MORC1: variants seen among roughly 807,000 people sequenced by gnomAD.
The protein encoded by MORC1 is MORC family CW-type zinc finger 1.
Under a neutral mutation model 134.9 loss-of-function variants are expected in MORC1, and 59 were observed. The ratio of observed to expected loss-of-function variants is 0.44; its 90% confidence interval spans 0.35 to 0.54. MORC1 has a LOEUF of 0.54. Among genes scored for constraint, MORC1 ranks in the 20% least tolerant of loss-of-function variants. MORC1 has a pLI of 0.00. For synonymous variants in MORC1, 395 were observed against 391.7 expected (o/e 1.01, Z -0.10); for missense variants, 947 against 1,134.5 (o/e 0.83, Z 2.37).
rs904364662 is a variant in MORC1 at position 109,103,933 on chromosome 3, G to C, written c.155-16C>G. ...TCATTATCCACTGTAAGAGAAAGCAGTTATTACTAATAAATATCGGGCTTA... is the reference window on the plus strand; with the variant it reads ...TCATTATCCACTGTAAGAGAAAGCACTTATTACTAATAAATATCGGGCTTA... On this transcript the variant is annotated splice_polypyrimidine_tract_variant and intron_variant, in intron 3 of 27. Transcript: ENST00000232603. 3.7e-6 allele frequency: 6 copies of C among 1,606,134 alleles called. No individual in the cohort carries two copies. Among genetic ancestry groups the C allele is most frequent in the Non-Finnish European group, 5.1e-6 (6 of 1,173,078 alleles).
chr3:109,035,854 T>C (rs928398833), intron 14 of MORC1, among the ~76,000 whole-genome samples: 3 of 152,216 alleles, frequency 2.0e-5, no homozygotes, highest in African/African-American at 7.2e-5. Flanking sequence ...AAATTATTGA[T>C]AGAAATATTT....
chr3:109,069,553 C>T (rs199956815), intron 9 of MORC1, 79 bp downstream of exon 9: 412 of 1,346,660 alleles, frequency 3.1e-4, no homozygotes, highest in Non-Finnish European at 4.0e-4. Context: ...AGTCAATGTC[C>T]TCACTTTGAC....
chr3:108,994,205 T>C (rs575660092), intron 21 of MORC1, among the ~76,000 whole-genome samples: 1 of 152,072 alleles, frequency 6.6e-6, no homozygotes, highest in South Asian at 2.1e-4. Flanking sequence ...AGGATACATG[T>C]TTCATAATAA....
rs1351171532 is a variant in MORC1 at position 109,081,579 on chromosome 3, T to C, written c.690-11822A>G. On this transcript the variant is annotated intron_variant, in intron 8 of 27. Coordinates refer to ENST00000232603, the MANE Select transcript of MORC1 (RefSeq NM_014429.4). The stretch of plus-strand genomic sequence containing the variant: ...CAAGTGATTCTCCCACCTCAGCCTC[T>C]GAATAGCTAGGACTACAGGCATGTG... 1.3e-5 allele frequency among the ~76,000 whole-genome samples: 2 copies of C among 151,934 alleles called. 1 individual carries two copies. Among genetic ancestry groups the C allele is most frequent in the Non-Finnish European group, 2.9e-5 (2 of 67,980 alleles).
chr3:109,093,627 G>C (rs1386461436), intron 7 of MORC1, 86 bp from the exon 8 acceptor site: 1 of 968,624 alleles, frequency 1.0e-6, no homozygotes, highest in Admixed American at 2.4e-5. Flanking sequence ...CTATGGAACT[G>C]AGTCTGCTAT....
At chr3:109,099,111 T>G (rs1300983611) in intron 6 of MORC1, among the ~76,000 whole-genome samples, 4 of 152,244 alleles carry the variant, frequency 2.6e-5, no homozygotes, top group African/African-American at 9.6e-5. Flanking sequence ...TCATCATGTC[T>G]AAGGGAGCCT....
chr3:108,986,327 AC>A (rs1947891760), intron 22 of MORC1, among the ~76,000 whole-genome samples: 1 of 152,170 alleles, frequency 6.6e-6, no homozygotes, highest in African/African-American at 2.4e-5. Context: ...TTCTCTATCC[AC>A]AGAATTATTA....
At chr3:108,985,237 C>T (rs1947865317) in intron 22 of MORC1, among the ~76,000 whole-genome samples, 1 of 152,182 alleles carries the variant, frequency 6.6e-6, no homozygotes, top group South Asian at 2.1e-4. Context: ...GACCTAGAGT[C>T]ATTTAGTTAG....
chr3:109,065,081 C>T (rs1430594679), intron 9 of MORC1, among the ~76,000 whole-genome samples: 2 of 152,208 alleles, frequency 1.3e-5, no homozygotes, highest in East Asian at 1.9e-4. Flanking sequence ...ACTATTACCA[C>T]CTGAGTTCAA....
At chr3:109,067,934 G>A (rs1950235525) in intron 9 of MORC1, among the ~76,000 whole-genome samples, 1 of 152,112 alleles carries the variant, frequency 6.6e-6, no homozygotes, top group South Asian at 2.1e-4. Context: ...AAGACAAGAT[G>A]ACAAATGCAG....
At chr3:108,973,711 C>T (rs1425026725) in intron 24 of MORC1, among the ~76,000 whole-genome samples, 1 of 150,030 alleles carries the variant, frequency 6.7e-6, no homozygotes, top group Non-Finnish European at 1.5e-5. Flanking sequence ...ATCCTCCCAA[C>T]TCACCCACCT....
At chr3:109,025,584 T>C (rs1207150190) in intron 17 of MORC1, among the ~76,000 whole-genome samples, 2 of 151,928 alleles carry the variant, frequency 1.3e-5, no homozygotes, top group African/African-American at 4.8e-5. Flanking sequence ...TGTTTCACCA[T>C]GTTGGCCAGG....
chr3:108,984,680 AC>A, intron 23 of MORC1, 35 bp downstream of exon 23: 1 of 1,394,902 alleles, frequency 7.2e-7, no homozygotes, highest in Non-Finnish European at 9.9e-7. Context: ...GGATAATTGC[AC>A]TCACTTGGAA....
chr3:108,968,789 A>G (rs2107381133), intron 26 of MORC1, among the ~76,000 whole-genome samples: 1 of 152,302 alleles, frequency 6.6e-6, no homozygotes, highest in Non-Finnish European at 1.5e-5. Flanking sequence ...GTGAGAAAGC[A>G]CAGGTAAAGT....
At chr3:109,087,715 G>GA (rs1210440411) in intron 8 of MORC1, among the ~76,000 whole-genome samples, 8 of 151,954 alleles carry the variant, frequency 5.3e-5, no homozygotes, top group Non-Finnish European at 1.0e-4. Flanking sequence ...CACAGAACTA[G>GA]AAAAAATTAT....
chr3:109,046,546 G>A (rs1949700958), intron 14 of MORC1, among the ~76,000 whole-genome samples: 1 of 152,088 alleles, frequency 6.6e-6, no homozygotes, highest in Admixed American at 6.6e-5. Flanking sequence ...CAATACCTGG[G>A]TTAGACTACC....
chr3:109,031,177 G>T (rs1204043342), intron 16 of MORC1, among the ~76,000 whole-genome samples: 1 of 152,082 alleles, frequency 6.6e-6, no homozygotes, highest in Non-Finnish European at 1.5e-5. Flanking sequence ...GCCCAAGACT[G>T]GTCTAAGAAA....
chr3:108,990,898 T>TTCTCTCTCTC (rs34333221), intron 21 of MORC1, among the ~76,000 whole-genome samples: 2 of 145,664 alleles, frequency 1.4e-5, no homozygotes, highest in African/African-American at 5.1e-5. Context: ...GTTTCTCTCT[T>TTCTCTCTCTC]TCTCTCTCTC....
intron 9 of MORC1, among the ~76,000 whole-genome samples, chr3:109,066,735 A>C (rs1950205004): frequency 6.6e-6 from 1 of 152,188 alleles, no homozygotes; most frequent in Non-Finnish European, 1.5e-5. Flanking sequence ...TGCTGTTTTT[A>C]TGTTTAACAT....
Sources: gnomAD v4.1 joint callset for allele counts (sites outside exome capture counted in the v4.1 genomes callset) on GRCh38, gnomAD v4.1.1 for gene constraint, MANE v1.5 for transcripts, NCBI Gene and HGNC (gene_info 2026-07-23, HGNC 2026-07-21) for gene names.